TBCK: variants seen among roughly 807,000 people sequenced by gnomAD.
TBCK encodes the protein TBC domain-containing protein kinase-like protein.
A neutral mutation model predicts 113.4 loss-of-function variants in TBCK; 99 were observed. That is an observed-to-expected ratio of 0.87 (90% CI 0.74 to 1.03). TBCK has a LOEUF of 1.03. TBCK is among the 50% of genes least tolerant of loss of function. The pLI is 0.00. For missense variants in TBCK, 1,045 were observed against 1,061.3 expected, an observed-to-expected ratio of 0.98 and a Z score of 0.21; for synonymous variants, 369 against 370.8, an observed-to-expected ratio of 1.00 and a Z score of 0.05.
At position 106,042,807 on chromosome 4, in the gene TBCK, A is replaced by G. The variant is rs1733940656; in HGVS notation, c.*3763T>C. 6.6e-6 allele frequency: 1 copy of G among 152,080 alleles called. No homozygotes were observed. The highest frequency in any genetic ancestry group is 2.1e-4 in the South Asian group (1 of 4,806). 9.4% of individuals were successfully genotyped at this position (152,080 alleles called of 1,614,324 possible). ...TAAAGTGCACTAAAGCCTGTTCTAA[A>G]TCAGGAACTTACCCCAGACTTTCCA... On this transcript the variant is annotated 3_prime_UTR_variant, in exon 26 of 26. Coordinates refer to ENST00000394708, the MANE Select transcript of TBCK (RefSeq NM_001163435.3).
chr4:106,201,036 G>T lies in TBCK; in HGVS notation c.1861-6282C>A, dbSNP rs150216269. On this transcript the variant is annotated intron_variant, in intron 20 of 25. Coordinates refer to ENST00000394708, the MANE Select transcript of TBCK (RefSeq NM_001163435.3). ...AGATTTTGTTATATACCTATACTTT[G>T]ATAATAATTATAAAAAATTATTTAA... 1.4e-4 allele frequency among the ~76,000 whole-genome samples: 22 copies of T among 151,850 alleles called. No homozygotes were observed. In the East Asian group the frequency reaches 4.1e-3, roughly 28 times the overall value.
intron 20 of TBCK, among the ~76,000 whole-genome samples, chr4:106,202,749 G>C (rs1174041576): frequency 6.6e-6 from 1 of 152,004 alleles, no homozygotes; most frequent in Non-Finnish European, 1.5e-5. Context: ...CTCAAACACA[G>C]CTATCAGAGT....
intron 22 of TBCK, among the ~76,000 whole-genome samples, chr4:106,181,669 A>G (rs1307418188): frequency 6.6e-6 from 1 of 152,132 alleles, no homozygotes; most frequent in Admixed American, 6.5e-5. Context: ...GTTAAAGATC[A>G]GATGATTGTA....
chr4:106,151,196 C>CA (rs1424238793), intron 23 of TBCK, among the ~76,000 whole-genome samples: 2 of 151,982 alleles, frequency 1.3e-5, no homozygotes, highest in Non-Finnish European at 2.9e-5. Flanking sequence ...CTTTGTGTTA[C>CA]AAAAAATCTA....
chr4:106,163,299 C>T (rs984492621), intron 23 of TBCK: 1 of 152,340 alleles, frequency 6.6e-6, no homozygotes, highest in Non-Finnish European at 1.5e-5. Context: ...AATTTTCCCA[C>T]ATCTGCCTGT....
chr4:106,081,845 T>C (rs1395569814), intron 25 of TBCK, among the ~76,000 whole-genome samples: 1 of 152,090 alleles, frequency 6.6e-6, no homozygotes, highest in Non-Finnish European at 1.5e-5. Flanking sequence ...AACAAATATA[T>C]GAAAAAATGC....
chr4:106,113,999 A>G (rs183928753), intron 24 of TBCK, among the ~76,000 whole-genome samples: 338 of 152,310 alleles, frequency 2.2e-3, no homozygotes, highest in Non-Finnish European at 3.5e-3. Flanking sequence ...GCCAAGTAAC[A>G]CTACATGTCA....
intron 20 of TBCK, among the ~76,000 whole-genome samples, chr4:106,209,423 C>A (rs1755881201): frequency 6.6e-6 from 1 of 152,126 alleles, no homozygotes; most frequent in South Asian, 2.1e-4. Flanking sequence ...TTGTACTACT[C>A]CTGAATTTCA....
At chr4:106,270,275 C>T (rs1437636387) in intron 3 of TBCK, among the ~76,000 whole-genome samples, 1 of 152,140 alleles carries the variant, frequency 6.6e-6, no homozygotes, top group Admixed American at 6.5e-5. Flanking sequence ...AGAATAAAAT[C>T]ACCATTTGAT....
chr4:106,161,859 G>A (rs992333301), intron 23 of TBCK, among the ~76,000 whole-genome samples: 1 of 152,026 alleles, frequency 6.6e-6, no homozygotes, highest in Non-Finnish European at 1.5e-5. Flanking sequence ...CAACACAAAT[G>A]CTATGATTCC....
At chr4:106,253,370 G>A (rs4441824) in intron 5 of TBCK, among the ~76,000 whole-genome samples, 143,476 of 152,220 alleles carry the variant, frequency 0.94, 67,870 homozygotes, top group Non-Finnish European at 0.97. Flanking sequence ...ATGGCATTTA[G>A]GCTGTTTCCT....
intron 23 of TBCK, among the ~76,000 whole-genome samples, chr4:106,124,882 G>A (rs1364921160): frequency 2.0e-5 from 3 of 151,908 alleles, no homozygotes; most frequent in Non-Finnish European, 2.9e-5. Flanking sequence ...GGATAGCATT[G>A]GGAGATATAC....
chr4:106,166,693 G>T lies in TBCK; in HGVS notation c.2235+4402C>A, dbSNP rs1381477875. Among the ~76,000 whole-genome samples the T allele has an allele frequency of 2.6e-5, 4 of 151,558 alleles. No individual in the cohort carries two copies. In the East Asian group the frequency reaches 7.7e-4, roughly 29 times the overall value. ...GGTGCATAAATTTTTTTAAAAACTA[G>T]CAAATCAAATATAGCCAGTATGTCT... On this transcript the variant is annotated intron_variant, in intron 23 of 25. Coordinates refer to ENST00000394708, the MANE Select transcript of TBCK (RefSeq NM_001163435.3).
At chr4:106,120,015 C>G (rs753389691) in intron 23 of TBCK, among the ~76,000 whole-genome samples, 6 of 152,146 alleles carry the variant, frequency 3.9e-5, no homozygotes, top group Non-Finnish European at 7.4e-5. Flanking sequence ...GCCTGAGCGA[C>G]GCAGAAGATG....
At chr4:106,241,110 T>C (rs1385795005) in intron 12 of TBCK, among the ~76,000 whole-genome samples, 1 of 151,966 alleles carries the variant, frequency 6.6e-6, no homozygotes, top group African/African-American at 2.4e-5. Context: ...TAAAAATTTT[T>C]ATAATAAAAT....
intron 1 of TBCK, among the ~76,000 whole-genome samples, chr4:106,314,240 T>G (rs1768509845): frequency 3.3e-5 from 5 of 152,222 alleles, no homozygotes; most frequent in Admixed American, 3.3e-4. Context: ...AATCACTACT[T>G]TTCTCGTTTT....
At chr4:106,058,868 A>G (rs1735726025) in intron 25 of TBCK, among the ~76,000 whole-genome samples, 1 of 151,664 alleles carries the variant, frequency 6.6e-6, no homozygotes, top group African/African-American at 2.4e-5. Flanking sequence ...TGCAGGCAGG[A>G]ACAGTGGGGA....
chr4:106,219,963 C>T (rs1757481477), intron 19 of TBCK, among the ~76,000 whole-genome samples: 1 of 152,066 alleles, frequency 6.6e-6, no homozygotes, highest in Non-Finnish European at 1.5e-5. Context: ...ATAATGTCTG[C>T]CTTGTTATTT....
chr4:106,283,228 T>C (rs576978004), intron 3 of TBCK, among the ~76,000 whole-genome samples: 4 of 152,262 alleles, frequency 2.6e-5, no homozygotes, highest in African/African-American at 9.6e-5. Flanking sequence ...ATTTACTAAA[T>C]GGAAACTTTT....
Sources: gnomAD v4.1 joint callset for allele counts (sites outside exome capture counted in the v4.1 genomes callset) on GRCh38, gnomAD v4.1.1 for gene constraint, MANE v1.5 for transcripts, NCBI Gene and HGNC (gene_info 2026-07-23, HGNC 2026-07-21) for gene names.